The following MYO16 variants were observed in gnomAD, a reference collection of about 807,000 sequenced individuals.
The protein encoded by MYO16 is unconventional myosin-XVI.
MYO16 carries 94 observed loss-of-function variants against 205.3 expected under a neutral mutation model. That is an observed-to-expected ratio of 0.46 (90% CI 0.39 to 0.54). The LOEUF (loss-of-function observed/expected upper bound fraction) is 0.54. Ranked by LOEUF, MYO16 falls within the 20% of genes least tolerant of loss-of-function variation. The probability of loss-of-function intolerance (pLI) is 0.00; values close to 1 mark genes in which losing one functional copy is unlikely to be tolerated. For synonymous variants in MYO16, 988 were observed against 954.0 expected, an observed-to-expected ratio of 1.04 and a Z score of -0.66; for missense variants, 2,315 against 2,387.5, an observed-to-expected ratio of 0.97 and a Z score of 0.63.
the MYO16 span, among the ~76,000 whole-genome samples, chr13:108,519,649 C>CCACA: frequency 4.2e-5 from 5 of 118,496 alleles, no homozygotes; most frequent in African/African-American, 1.4e-4. Context: ...ACACACACAC[C>CCACA]CACACACACA....
rs182315849 is a variant in MYO16, at chr13:109,023,773, A to G, written c.2796+3862A>G. ...TATATGTATACAAATATGTTTTTAT[A>G]TACATATTATATGCATATTCTACAT... On this transcript the variant is annotated intron_variant, in intron 23 of 34. Transcript: ENST00000457511. 8.9e-5 allele frequency among the ~76,000 whole-genome samples: 10 copies of G among 112,928 alleles called. No individual in the cohort carries two copies. The Admixed American group carries it at 9.3e-4, about 10-fold the overall frequency. The allele number at this position is 112,928 out of a possible 152,430, so 74.1% of individuals were successfully genotyped here.
At position 108,888,480 on chromosome 13, in the gene MYO16, A is replaced by G. The variant is rs140379648; in HGVS notation, c.1659+3A>G. 149 of 1,590,206 alleles carry G rather than the reference A, an allele frequency of 9.4e-5. No homozygotes were observed. The African/African-American group carries it at 1.7e-3, about 18-fold the overall frequency. On this transcript the variant is annotated splice_donor_region_variant and intron_variant, in intron 14 of 34. Coordinates refer to ENST00000457511, the MANE Select transcript of MYO16 (RefSeq NM_001198950.3). ...CACTGGATTCCAGATTCAAACATGT[A>G]AGTTTTTTGTTTGGGTTGGCAAATA...
chr13:109,202,329 G>A (rs182561749), intron 34 of MYO16, among the ~76,000 whole-genome samples: 1 of 152,254 alleles, frequency 6.6e-6, no homozygotes, highest in Non-Finnish European at 1.5e-5. Context: ...CAGCAGTGTA[G>A]AAGTGCTCCC....
the MYO16 span, among the ~76,000 whole-genome samples, chr13:108,521,825 A>G: frequency 1.3e-5 from 2 of 152,238 alleles, no homozygotes; most frequent in Non-Finnish European, 2.9e-5. Flanking sequence ...TAGAGATTTC[A>G]GAAAAAGTTC....
the MYO16 span, among the ~76,000 whole-genome samples, chr13:108,552,419 C>T: frequency 6.6e-6 from 1 of 152,078 alleles, no homozygotes; most frequent in Non-Finnish European, 1.5e-5. Flanking sequence ...TCCGTCTCTC[C>T]TTGGCATGTC....
chr13:108,822,552 C>T (rs1441436070), intron 8 of MYO16, among the ~76,000 whole-genome samples: 3 of 152,028 alleles, frequency 2.0e-5, no homozygotes, highest in African/African-American at 7.2e-5. Context: ...GCTGCCCAAA[C>T]GTGTTCAGAT....
At chr13:109,088,884 C>T (rs1192944805) in intron 27 of MYO16, among the ~76,000 whole-genome samples, 1 of 152,304 alleles carries the variant, frequency 6.6e-6, no homozygotes, top group African/African-American at 2.4e-5. Flanking sequence ...CTCAGGAGGG[C>T]GGGCAGCCCC....
chr13:108,722,546 A>G (rs193120682), intron 3 of MYO16, among the ~76,000 whole-genome samples: 1 of 152,288 alleles, frequency 6.6e-6, no homozygotes, highest in Admixed American at 6.5e-5. Flanking sequence ...TGTTTGGTGA[A>G]AGACAGTGAA....
chr13:108,964,708 T>C, intron 19 of MYO16, 53 bp from the exon 20 acceptor site: 1 of 1,591,268 alleles, frequency 6.3e-7, no homozygotes, highest in Non-Finnish European at 8.6e-7. Context: ...TTGGTTGGCT[T>C]CTAAATGAGG....
intron 27 of MYO16, among the ~76,000 whole-genome samples, chr13:109,096,794 A>G (rs1434650932): frequency 1.3e-5 from 2 of 152,204 alleles, no homozygotes; most frequent in Admixed American, 1.3e-4. Context: ...GTAACACAGA[A>G]TAGAATTTAT....
intron 4 of MYO16, among the ~76,000 whole-genome samples, chr13:108,749,266 C>T (rs762067741): frequency 7.9e-5 from 12 of 152,092 alleles, no homozygotes; most frequent in South Asian, 4.2e-4. Context: ...GAATTTATTC[C>T]GCCTATCTGG....
intron 16 of MYO16, among the ~76,000 whole-genome samples, chr13:108,932,942 T>G (rs1040269211): frequency 1.3e-5 from 2 of 152,098 alleles, no homozygotes; most frequent in African/African-American, 4.8e-5. Context: ...TGACAATATC[T>G]ACCCCATGAT....
chr13:109,114,400 G>C (rs1409784807), intron 28 of MYO16, among the ~76,000 whole-genome samples: 1 of 152,126 alleles, frequency 6.6e-6, no homozygotes, highest in Non-Finnish European at 1.5e-5. Context: ...TTTTAGTCTG[G>C]AGCCTAGAGA....
At chr13:108,733,043 A>G (rs1472099056) in intron 4 of MYO16, among the ~76,000 whole-genome samples, 1 of 152,194 alleles carries the variant, frequency 6.6e-6, no homozygotes, top group East Asian at 1.9e-4. Flanking sequence ...GATATATTCA[A>G]GCCACATTTT....
chr13:108,727,763 T>C (rs1884391833), intron 4 of MYO16, among the ~76,000 whole-genome samples, 180 bp downstream of exon 4: 2 of 152,240 alleles, frequency 1.3e-5, no homozygotes, highest in African/African-American at 2.4e-5. Context: ...ACATAGTTTA[T>C]AAAACAATTT....
At position 108,729,347 on chromosome 13, in the gene MYO16, C is replaced by T. The variant is rs374242960; in HGVS notation, c.507+1764C>T. Reference sequence around the variant, plus strand: ...ACTTTAGACATCTTTAGAATGCTAACAACTCATAGAGCACGCAGCTGGGTC... The same window carrying T: ...ACTTTAGACATCTTTAGAATGCTAATAACTCATAGAGCACGCAGCTGGGTC... On this transcript the variant is annotated intron_variant, in intron 4 of 34. Transcript: ENST00000457511. Among the ~76,000 whole-genome samples the T allele has an allele frequency of 2.3e-4, 35 of 152,114 alleles. 1 individual carries two copies. Among genetic ancestry groups the T allele is most frequent in the East Asian group, 1.4e-3 (7 of 5,182 alleles).
chr13:108,957,834 C>T (rs1307084200), intron 17 of MYO16, 35 bp downstream of exon 17: 4 of 1,447,598 alleles, frequency 2.8e-6, no homozygotes, highest in Non-Finnish European at 3.9e-6. Flanking sequence ...CTGAGAAAAT[C>T]AACCTTCTAC....
At position 108,909,841 on chromosome 13, in the gene MYO16, A is replaced by T. The variant is rs113611183; in HGVS notation, c.1778-162A>T. Among the ~76,000 whole-genome samples, 573 of 152,292 alleles carry T rather than the reference A, an allele frequency of 3.8e-3. 1 individual carries two copies. The highest frequency in any genetic ancestry group is 5.2e-3 in the Non-Finnish European group (351 of 68,020). On this transcript the variant is annotated intron_variant, in intron 15 of 34. Coordinates refer to ENST00000457511, the MANE Select transcript of MYO16 (RefSeq NM_001198950.3). ...CATGTCTTTTCAGCATCGTATTGAAAGTCCTAGCTAATGCAAAAAGACAAT... is the reference window on the plus strand; with the variant it reads ...CATGTCTTTTCAGCATCGTATTGAATGTCCTAGCTAATGCAAAAAGACAAT...
chr13:108,930,915 C>T (rs1047705509), intron 16 of MYO16, among the ~76,000 whole-genome samples: 6 of 151,886 alleles, frequency 4.0e-5, no homozygotes, highest in Non-Finnish European at 7.4e-5. Flanking sequence ...ATATGTGAGC[C>T]GTAACAGTTT....
Sources: gnomAD v4.1 joint callset for allele counts (sites outside exome capture counted in the v4.1 genomes callset) on GRCh38, gnomAD v4.1.1 for gene constraint, MANE v1.5 for transcripts, NCBI Gene and HGNC (gene_info 2026-07-23, HGNC 2026-07-21) for gene names.